Variants in SIRT6 observed in about 807,000 individuals in gnomAD.
SIRT6 encodes the protein NAD-dependent protein deacylase sirtuin-6.
Under a neutral mutation model 33.6 loss-of-function variants are expected in SIRT6, and 21 were observed. That is an observed-to-expected ratio of 0.62 (90% CI 0.44 to 0.90). The LOEUF is 0.90. SIRT6 is among the 40% of genes least tolerant of loss of function. SIRT6 has a pLI of 0.00. For missense variants in SIRT6, 504 were observed against 510.6 expected (o/e 0.99, Z 0.12); for synonymous variants, 221 against 223.9 (o/e 0.99, Z 0.12).
chr19:4,174,844 C>G lies in SIRT6; in HGVS notation c.841G>C (p.Val281Leu). 1 of 1,593,870 alleles carries G rather than the reference C, an allele frequency of 6.3e-7. No homozygotes were observed. The part of the protein sequence containing the change: ...LEIPAWDGPR[V>L]LERALPPLPR... ...AGGGGTGGCAGCGCCCTCTCCAGCACACGGGGGCCGTCCCAGGCGGGGATC... is the reference window on the plus strand; with the variant it reads ...AGGGGTGGCAGCGCCCTCTCCAGCAGACGGGGGCCGTCCCAGGCGGGGATC... Residue 281 changes from valine to leucine, a missense_variant, in exon 8 of 8, where the codon GTG becomes CTG. Transcript: ENST00000337491. The surrounding 1 kb of genome is among the most constrained non-coding windows in gnomAD (Gnocchi z 4.2).
chr19:4,182,005 G>A, intron 1 of SIRT6, among the ~76,000 whole-genome samples: 1 of 152,028 alleles, frequency 6.6e-6, no homozygotes, highest in Non-Finnish European at 1.5e-5. Flanking sequence ...GTGCGTGGAG[G>A]GGGCAGCCGA....
chr19:4,181,235 C>A (rs1198461116), intron 1 of SIRT6, among the ~76,000 whole-genome samples: 1 of 152,146 alleles, frequency 6.6e-6, no homozygotes, highest in Non-Finnish European at 1.5e-5. Context: ...CAGGCACAGT[C>A]CCGCCTCAGG....
At chr19:4,180,553 G>T in intron 2 of SIRT6, 1 of 416,536 alleles carries the variant, frequency 2.4e-6, no homozygotes, top group Non-Finnish European at 4.2e-6. Context: ...GCTAATTTTT[G>T]TATTTTTAGT....
At position 4,177,107 on chromosome 19, in the gene SIRT6, A is replaced by G; in HGVS notation, c.409T>C (p.Phe137Leu). Residue 137 changes from phenylalanine to leucine, a missense_variant, in exon 4 of 8, where the codon TTT becomes CTT. By Grantham distance (22) the Phe-to-Leu change is conservative. Transcript: ENST00000337491. ...DKLAELHGNM[F>L]VEECAKCKTQ... ...TTACACTTGGCACATTCTTCCACAA[A>G]CATGTTCCCGTGGAGCTCTGCCAGT... 6.2e-7 allele frequency: 1 copy of G among 1,612,966 alleles called. No homozygotes were observed. The highest frequency in any genetic ancestry group is 1.1e-5 in the South Asian group (1 of 91,038).
In SIRT6 at chr19:4,175,405, G is replaced by A; in HGVS notation, c.615-254C>T. On this transcript the variant is annotated intron_variant, in intron 6 of 7. Transcript: ENST00000337491. Reference sequence around the variant, plus strand: ...GGTAAGAGCTTGGACACCTAGGGTGGGACCCTGGCTCGGTCACCTCCCGGC... The same window carrying A: ...GGTAAGAGCTTGGACACCTAGGGTGAGACCCTGGCTCGGTCACCTCCCGGC... The A allele has an allele frequency of 4.7e-6, 3 of 637,148 alleles. No homozygotes were observed. The South Asian group carries it at 6.0e-5, about 13-fold the overall frequency. The allele number at this position is 637,148 out of a possible 1,614,324, so 39.5% of individuals were successfully genotyped here.
chr19:4,179,468 GA>G (rs1967499491), intron 2 of SIRT6, 182 bp from the exon 3 acceptor site: 1 of 638,634 alleles, frequency 1.6e-6, no homozygotes, highest in Non-Finnish European at 2.7e-6. Flanking sequence ...AGAACAGGGA[GA>G]GGGGGATAGA....
Position 4,179,166 on chromosome 19 carries a change from G to A in SIRT6, c.315C>T (p.Gly105=). The A allele has an allele frequency of 6.2e-7, 1 of 1,612,242 alleles. No individual in the cohort carries two copies. The highest frequency in any genetic ancestry group is 8.5e-7 in the Non-Finnish European group (1 of 1,179,732). The change falls in exon 3 of 8, where the codon GGC becomes GGT. Residue 105 remains glycine (G), a synonymous_variant. Coordinates refer to ENST00000337491, the MANE Select transcript of SIRT6 (RefSeq NM_016539.4). ...TCTGGCTGACCAGGAAGCGGAGGAG[G>A]CCCACGCGCTCCAGCTGCACCAGCG... The part of the protein sequence containing the change: ...HMALVQLERV[G]LLRFLVSQNV...
In SIRT6 at chr19:4,175,703, C is replaced by T. The variant is rs1032346416; in HGVS notation, c.591G>A (p.Leu197=). ...DWEDSLPDRD[L]ALADEASRNA... ...ACCTGCTGGCCTCATCGGCGAGTGC[C>T]AGGTCCCGGTCGGGCAGGGAGTCCT... Residue 197 remains leucine, a synonymous_variant, in exon 6 of 8, where the codon CTG becomes CTA. Coordinates refer to ENST00000337491, the MANE Select transcript of SIRT6 (RefSeq NM_016539.4). 1.3e-6 allele frequency: 2 copies of T among 1,581,560 alleles called. No homozygotes were observed. The highest frequency in any genetic ancestry group is 1.8e-5 in the Admixed American group (1 of 55,874).
At chr19:4,175,786 C>T in intron 5 of SIRT6, 26 bp from the exon 6 acceptor site, 1 of 1,555,344 alleles carries the variant, frequency 6.4e-7, no homozygotes, top group Non-Finnish European at 8.7e-7. Flanking sequence ...TGAGGAGAGT[C>T]CTCAGGGGCC....
intron 2 of SIRT6, 51 bp downstream of exon 2, chr19:4,180,731 C>T (rs1306405914): frequency 3.8e-6 from 6 of 1,559,574 alleles, no homozygotes; most frequent in South Asian, 3.6e-5. Context: ...GCAGGGAAGC[C>T]TCTGGCAGCC....
Position 4,180,847 on chromosome 19 carries a change from C to T in SIRT6, c.129G>A (p.Gln43=). 2.5e-6 allele frequency: 4 copies of T among 1,613,774 alleles called. No homozygotes were observed. Among genetic ancestry groups the T allele is most frequent in the Non-Finnish European group, 3.4e-6 (4 of 1,179,936 alleles). The stretch of plus-strand genomic sequence containing the variant: ...CCGTGTGGAACACCACACTGGAAGA[C>T]TGCCAGACCAGCCTCGCCAGTTCCC... The part of the protein sequence containing the change: ...KVWELARLVW[Q]SSSVVFHTGA... Residue 43 remains glutamine (Q), a synonymous_variant, in exon 2 of 8, where the codon CAG becomes CAA. Coordinates refer to ENST00000337491, the MANE Select transcript of SIRT6 (RefSeq NM_016539.4).
chr19:4,174,599 C>G lies in SIRT6; in HGVS notation c.*18G>C, dbSNP rs746092089. The G allele has an allele frequency of 4.8e-5, 68 of 1,421,090 alleles. No individual in the cohort carries two copies. Among genetic ancestry groups the G allele is most frequent in the Non-Finnish European group, 5.8e-5 (63 of 1,084,842 alleles). 88.0% of individuals were successfully genotyped at this position (1,421,090 alleles called of 1,614,324 possible). ...CCACAGTTTCTACAAAAAGCCCCAC[C>G]CTCCCCAAGCACCCTGGTCAGCTGG... On this transcript the variant is annotated 3_prime_UTR_variant, in exon 8 of 8. Coordinates refer to ENST00000337491, the MANE Select transcript of SIRT6 (RefSeq NM_016539.4). The surrounding 1 kb of genome is among the most constrained non-coding windows in gnomAD (Gnocchi z 4.2).
chr19:4,179,090 G>A lies in SIRT6; in HGVS notation c.377+14C>T, dbSNP rs1305670963. On this transcript the variant is annotated intron_variant, in intron 3 of 7. Coordinates refer to ENST00000337491, the MANE Select transcript of SIRT6 (RefSeq NM_016539.4). The stretch of plus-strand genomic sequence containing the variant: ...GCCCCAAGCTCTTTTGTGGGGGCGG[G>A]GCCAGGGTGTTACCTGGGGAAGCCT... 6.2e-7 allele frequency: 1 copy of A among 1,610,540 alleles called. No individual in the cohort carries two copies. Among genetic ancestry groups the A allele is most frequent in the Non-Finnish European group, 8.5e-7 (1 of 1,179,584 alleles).
chr19:4,182,417 G>C (rs1211852146), intron 1 of SIRT6, 57 bp downstream of exon 1: 10 of 1,547,408 alleles, frequency 6.5e-6, no homozygotes, highest in African/African-American at 1.4e-5. Flanking sequence ...CTGCCATCCG[G>C]CCGCTCCCAG....
chr19:4,175,637 C>T lies in SIRT6; in HGVS notation c.614+43G>A, dbSNP rs774160500. On this transcript the variant is annotated intron_variant, in intron 6 of 7. Coordinates refer to ENST00000337491, the MANE Select transcript of SIRT6 (RefSeq NM_016539.4). ...GCTGGCTGTGTTTCTGCTGTCGTCC[C>T]GCCCCGCCCCACCATGGGCTCCCTG... The T allele has an allele frequency of 1.1e-5, 16 of 1,450,140 alleles. No homozygotes were observed. In the East Asian group the frequency reaches 1.5e-4, roughly 14 times the overall value. The allele number at this position is 1,450,140 out of a possible 1,614,324, so 89.8% of individuals were successfully genotyped here.
chr19:4,178,178 C>A (rs1401293283), intron 3 of SIRT6, among the ~76,000 whole-genome samples: 3 of 151,860 alleles, frequency 2.0e-5, no homozygotes, highest in Non-Finnish European at 4.4e-5. Context: ...AGGCATGCGC[C>A]ACCACGCCCA....
rs191880897 is a variant in SIRT6, at chr19:4,179,087, C to G, written c.377+17G>C. On this transcript the variant is annotated intron_variant, in intron 3 of 7. Coordinates refer to ENST00000337491, the MANE Select transcript of SIRT6 (RefSeq NM_016539.4). Reference sequence around the variant, plus strand: ...GGGGCCCCAAGCTCTTTTGTGGGGGCGGGGCCAGGGTGTTACCTGGGGAAG... The same window carrying G: ...GGGGCCCCAAGCTCTTTTGTGGGGGGGGGGCCAGGGTGTTACCTGGGGAAG... The G allele has an allele frequency of 1.9e-5, 30 of 1,609,736 alleles. No homozygotes were observed. Among genetic ancestry groups the G allele is most frequent in the Non-Finnish European group, 2.5e-5 (29 of 1,179,360 alleles).
chr19:4,174,951 C>CG lies in SIRT6; in HGVS notation c.739-6dup, dbSNP rs775005040. ...GCGGAGGTCAGCATGGCGGTCCTGCCGAGGGGCGGGACGGGTCAGGCGTGG... is the reference window on the plus strand; with the variant it reads ...GCGGAGGTCAGCATGGCGGTCCTGCCGGAGGGGCGGGACGGGTCAGGCGTGG... On this transcript the variant is annotated splice_polypyrimidine_tract_variant and splice_region_variant and intron_variant, in intron 7 of 7. Transcript: ENST00000337491. This position sits in a 1 kb window ranked among gnomAD's most constrained non-coding sequence, Gnocchi z 4.2. 6 of 1,609,028 alleles carry CG rather than the reference C, an allele frequency of 3.7e-6. No individual in the cohort carries two copies. The highest frequency in any genetic ancestry group is 2.7e-5 in the African/African-American group (2 of 74,748).
chr19:4,175,253 G>T, intron 6 of SIRT6, 102 bp from the exon 7 acceptor site: 1 of 1,443,672 alleles, frequency 6.9e-7, no homozygotes, highest in Non-Finnish European at 9.2e-7. Context: ...GTGCTCACCG[G>T]GGCGGTCAAG....
Sources: gnomAD v4.1 joint callset for allele counts (sites outside exome capture counted in the v4.1 genomes callset) on GRCh38, gnomAD v4.1.1 for gene constraint, Gnocchi (gnomAD v3.1) non-coding constraint, MANE v1.5 for transcripts, NCBI Gene and HGNC (gene_info 2026-07-23, HGNC 2026-07-21) for gene names.